Variants in OSR1 observed in about 807,000 individuals in gnomAD.
OSR1 encodes odd-skipped related transcription factor 1.
Under a neutral mutation model 15.7 loss-of-function variants are expected in OSR1, and 3 were observed. That is an observed-to-expected ratio of 0.19 (90% CI 0.09 to 0.50). The LOEUF (loss-of-function observed/expected upper bound fraction) is 0.50, where lower values mean the gene tolerates loss of function less well. Ranked by LOEUF, OSR1 falls within the 20% of genes least tolerant of loss-of-function variation. The pLI is 0.97. For synonymous variants in OSR1, 166 were observed against 152.7 expected, an observed-to-expected ratio of 1.09 and a Z score of -0.64; for missense variants, 271 against 351.1, an observed-to-expected ratio of 0.77 and a Z score of 1.82.
chr2:19,347,329 T>C (rs143637859), downstream of OSR1, among the ~76,000 whole-genome samples: 1 of 152,204 alleles, frequency 6.6e-6, no homozygotes, highest in Non-Finnish European at 1.5e-5. Flanking sequence ...TGTATTACTT[T>C]TAACTCTACA....
rs1314067078 is a variant in OSR1, at chr2:19,352,025, T to G, written c.*250A>C. On this transcript the variant is annotated 3_prime_UTR_variant, in exon 3 of 3. Transcript: ENST00000272223. ...CGTTCTTTTTTTAATGCAGTTTCCCTTCCGCCACGTGAGTACCGCCTTTTG... is the reference window on the plus strand; with the variant it reads ...CGTTCTTTTTTTAATGCAGTTTCCCGTCCGCCACGTGAGTACCGCCTTTTG... 2.6e-6 allele frequency: 1 copy of G among 382,908 alleles called. No individual in the cohort carries two copies. Among genetic ancestry groups the G allele is most frequent in the Non-Finnish European group, 4.6e-6 (1 of 215,246 alleles). The allele number at this position is 382,908 out of a possible 1,614,324, so 23.7% of individuals were successfully genotyped here. A position where few individuals can be genotyped will look rare whatever the true frequency, so the allele number is the denominator to read the frequency against.
intron 1 of OSR1, chr2:19,355,250 CTGT>C (rs1664925254): frequency 6.6e-6 from 1 of 152,436 alleles, no homozygotes; most frequent in African/African-American, 2.4e-5. Flanking sequence ...CAATCCCCTG[CTGT>C]TGACTTCTTC....
intron 2 of OSR1, 152 bp downstream of exon 2, chr2:19,352,989 T>G: frequency 1.0e-6 from 1 of 1,003,444 alleles, no homozygotes; most frequent in Non-Finnish European, 1.4e-6. Flanking sequence ...AACCTATCCC[T>G]GGATCTCCTA....
downstream of OSR1, among the ~76,000 whole-genome samples, chr2:19,348,008 C>T (rs1428513563): frequency 6.6e-6 from 1 of 152,242 alleles, no homozygotes; most frequent in Non-Finnish European, 1.5e-5. Flanking sequence ...TTCCGGACTC[C>T]GGCACCAGCA....
At position 19,352,367 on chromosome 2, in the gene OSR1, C is replaced by T; in HGVS notation, c.709G>A (p.Gly237Arg). The part of the protein sequence containing the change: ...KEKPFKCQEC[G>R]KGFCQSRTLA... ...GTCCTGGACTGGCAGAATCCTTTCCCACACTCTTGACACTTGAAGGGCTTC... is the reference window on the plus strand; with the variant it reads ...GTCCTGGACTGGCAGAATCCTTTCCTACACTCTTGACACTTGAAGGGCTTC... The change falls in exon 3 of 3, where the codon GGG becomes AGG. Residue 237 changes from glycine to arginine, a missense_variant. Physicochemically the swap from Gly to Arg is moderately radical, Grantham distance 125 (BLOSUM62 -2). Coordinates refer to ENST00000272223, the MANE Select transcript of OSR1 (RefSeq NM_145260.3). 6.2e-7 allele frequency: 1 copy of T among 1,614,154 alleles called. No individual in the cohort carries two copies. The highest frequency in any genetic ancestry group is 8.5e-7 in the Non-Finnish European group (1 of 1,179,980).
At chr2:19,348,009 G>A (rs564788875), downstream of OSR1, among the ~76,000 whole-genome samples, 37 of 152,362 alleles carry the variant, frequency 2.4e-4, no homozygotes, top group Middle Eastern at 3.4e-3. Flanking sequence ...TCCGGACTCC[G>A]GCACCAGCAG....
chr2:19,356,816 C>G (rs1201013795), intron 1 of OSR1: 1 of 152,260 alleles, frequency 6.6e-6, no homozygotes, highest in East Asian at 1.9e-4. Flanking sequence ...AGCGCCAATC[C>G]CAGGTCTGCG....
intron 1 of OSR1, 131 bp downstream of exon 1, chr2:19,358,210 A>G (rs1212412719): frequency 2.6e-5 from 4 of 152,436 alleles, no homozygotes; most frequent in Non-Finnish European, 4.4e-5. Flanking sequence ...AAAGTCCTAC[A>G]GCATTCGTTT....
chr2:19,348,301 G>A (rs762866516), downstream of OSR1: 1 of 153,216 alleles, frequency 6.5e-6, no homozygotes, highest in African/African-American at 2.4e-5. Context: ...CGCCTGCCTG[G>A]GCCGATTCGC....
intron 2 of OSR1, among the ~76,000 whole-genome samples, chr2:19,352,921 A>C (rs900257335): frequency 6.6e-6 from 1 of 152,232 alleles, no homozygotes; most frequent in Admixed American, 6.5e-5. Flanking sequence ...GAGCTCACGG[A>C]GACCTCACTT....
At position 19,357,351 on chromosome 2, in the gene OSR1, C is replaced by T. The variant is rs1664971069; in HGVS notation, c.-33+990G>A. Among the ~76,000 whole-genome samples the T allele has an allele frequency of 6.6e-6, 1 of 152,164 alleles. No homozygotes were observed. Among genetic ancestry groups the T allele is most frequent in the African/African-American group, 2.4e-5 (1 of 41,454 alleles). On this transcript the variant is annotated intron_variant, in intron 1 of 2. Coordinates refer to ENST00000272223, the MANE Select transcript of OSR1 (RefSeq NM_145260.3). The surrounding 1 kb of genome is among the most constrained non-coding windows in gnomAD (Gnocchi z 5.0). ...AGCTCTTAGCCTGGGTGAAATTTAC[C>T]AAATTGTGGCAACAAAGAAACCCTT...
At chr2:19,356,397 C>T (rs1228295023) in intron 1 of OSR1, 1 of 152,344 alleles carries the variant, frequency 6.6e-6, no homozygotes, top group African/African-American at 2.4e-5. Context: ...ATTCGGAAGC[C>T]AGTGCTCCCC....
At position 19,352,089 on chromosome 2, in the gene OSR1, C is replaced by T. The variant is rs986314426; in HGVS notation, c.*186G>A. On this transcript the variant is annotated 3_prime_UTR_variant, in exon 3 of 3. Coordinates refer to ENST00000272223, the MANE Select transcript of OSR1 (RefSeq NM_145260.3). ...CCGCGTCCTAGGGGAGCAGCAGGGACGGTCGGGGTCGCGGCCCCGGGCGGG... is the reference window on the plus strand; with the variant it reads ...CCGCGTCCTAGGGGAGCAGCAGGGATGGTCGGGGTCGCGGCCCCGGGCGGG... 1.8e-5 allele frequency: 10 copies of T among 554,618 alleles called. No individual in the cohort carries two copies. Among genetic ancestry groups the T allele is most frequent in the Non-Finnish European group, 3.1e-5 (10 of 326,454 alleles). 34.4% of individuals were successfully genotyped at this position (554,618 alleles called of 1,614,324 possible).
At chr2:19,348,219 G>A (rs1017925712), downstream of OSR1, among the ~76,000 whole-genome samples, 8 of 152,100 alleles carry the variant, frequency 5.3e-5, no homozygotes, top group African/African-American at 1.9e-4. Flanking sequence ...GCAGGGCACC[G>A]CCCTTCACTC....
At chr2:19,350,191 G>A (rs1031509471), downstream of OSR1, among the ~76,000 whole-genome samples, 1 of 152,180 alleles carries the variant, frequency 6.6e-6, no homozygotes, top group Non-Finnish European at 1.5e-5. Flanking sequence ...AAGATTTTGG[G>A]ACCAAACACA....
chr2:19,349,559 G>T (rs1664795312), downstream of OSR1, among the ~76,000 whole-genome samples: 1 of 152,200 alleles, frequency 6.6e-6, no homozygotes, highest in Non-Finnish European at 1.5e-5. Context: ...GACTGGGTGG[G>T]TTTTCACAGT....
In OSR1 at chr2:19,353,879, A is replaced by G. The variant is rs962112706; in HGVS notation, c.-32-42T>C. 2.5e-5 allele frequency: 37 copies of G among 1,476,926 alleles called. No individual in the cohort carries two copies. In the East Asian group the frequency reaches 5.3e-4, roughly 21 times the overall value. 91.5% of individuals were successfully genotyped at this position (1,476,926 alleles called of 1,614,324 possible). ...AAGGCAGGGGCGTGGAGAGGAATAA[A>G]GAAGTTCAGGGTGGGTCGCCTTCCT... On this transcript the variant is annotated intron_variant, in intron 1 of 2. Transcript: ENST00000272223.
chr2:19,352,231 A>G lies in OSR1; in HGVS notation c.*44T>C. Reference sequence around the variant, plus strand: ...GTCAGGCTTCTGGTCCCTATGGAGGAGAGGGCCGCTGGGCCTAGGGTCCTT... The same window carrying G: ...GTCAGGCTTCTGGTCCCTATGGAGGGGAGGGCCGCTGGGCCTAGGGTCCTT... On this transcript the variant is annotated 3_prime_UTR_variant, in exon 3 of 3. Transcript: ENST00000272223. 1.2e-6 allele frequency: 2 copies of G among 1,606,726 alleles called. No individual in the cohort carries two copies. The highest frequency in any genetic ancestry group is 2.2e-5 in the East Asian group (1 of 44,762).
chr2:19,353,312 C>T lies in OSR1; in HGVS notation c.494G>A (p.Gly165Glu). Residue 165 changes from glycine to glutamate, a missense_variant, in exon 2 of 3, where the codon GGA becomes GAA. Around this residue, in one of 4 missense-constraint regions of OSR1, gnomAD observed 32 missense variants for 66.8 expected, o/e 0.48. Transcript: ENST00000272223. ...CTTCTTGGTCTTGGAAGGCAGACGT[C>T]CCCTTGTGGGCTTCTTTTCTGGAGA... ...KLSPEKKPTR[G>E]RLPSKTKKEF... The T allele has an allele frequency of 3.1e-6, 5 of 1,614,232 alleles. No homozygotes were observed. Among genetic ancestry groups the T allele is most frequent in the Non-Finnish European group, 4.2e-6 (5 of 1,180,036 alleles).
Sources: allele counts gnomAD v4.1 joint callset (sites outside exome capture counted in the v4.1 genomes callset), GRCh38; gene constraint gnomAD v4.1.1; regional missense constraint gnomAD v4.1.1; non-coding constraint Gnocchi (gnomAD v3.1); transcripts MANE v1.5; gene names NCBI Gene and HGNC (gene_info 2026-07-23, HGNC 2026-07-21).